The following STX7 variants were observed in gnomAD, a reference collection of about 807,000 sequenced individuals.
STX7 encodes the protein syntaxin-7.
STX7 carries 34 observed loss-of-function variants against 39.6 expected under a neutral mutation model. The observed-to-expected ratio is 0.86, with a 90% CI of 0.65 to 1.14. STX7 has a LOEUF of 1.14. Among genes scored for constraint, STX7 ranks in the 50% most tolerant of loss-of-function variants. The probability of loss-of-function intolerance (pLI) is 0.00; values close to 1 mark genes in which losing one functional copy is unlikely to be tolerated. For synonymous variants in STX7, 119 were observed against 99.1 expected (o/e 1.20, Z -1.19); for missense variants, 284 against 310.4 (o/e 0.92, Z 0.64).
intron 1 of STX7, among the ~76,000 whole-genome samples, chr6:132,510,377 AAAT>A (rs777588559): frequency 4.6e-5 from 7 of 152,200 alleles, no homozygotes; most frequent in Non-Finnish European, 7.3e-5. Flanking sequence ...CTGTCGATTA[AAAT>A]AATAAAAGCA....
intron 1 of STX7, among the ~76,000 whole-genome samples, chr6:132,510,690 G>A (rs1775824144): frequency 6.6e-6 from 1 of 152,136 alleles, no homozygotes; most frequent in African/African-American, 2.4e-5. Flanking sequence ...CATTATCACA[G>A]AAAGATCTAT....
At chr6:132,466,446 G>A (rs1774567201) in intron 8 of STX7, among the ~76,000 whole-genome samples, 1 of 152,172 alleles carries the variant, frequency 6.6e-6, no homozygotes, top group African/African-American at 2.4e-5. Context: ...TTTGTGGGTT[G>A]TATGATCTCT....
intron 1 of STX7, among the ~76,000 whole-genome samples, chr6:132,512,642 C>T (rs1468742234): frequency 2.6e-5 from 4 of 152,214 alleles, no homozygotes; most frequent in Non-Finnish European, 5.9e-5. Context: ...TGTCTGGATT[C>T]CTGAGCTGGG....
chr6:132,474,782 A>G (rs1582656502), intron 3 of STX7, among the ~76,000 whole-genome samples: 1 of 152,192 alleles, frequency 6.6e-6, no homozygotes, highest in Non-Finnish European at 1.5e-5. Flanking sequence ...CACAGACAAA[A>G]TATTATCACT....
chr6:132,511,429 G>C (rs1192775290), intron 1 of STX7, among the ~76,000 whole-genome samples: 1 of 152,136 alleles, frequency 6.6e-6, no homozygotes, highest in Non-Finnish European at 1.5e-5. Flanking sequence ...CTCACCACTG[G>C]TCACTCTTTG....
chr6:132,481,076 T>A (rs1009880531), intron 2 of STX7, among the ~76,000 whole-genome samples: 1 of 152,194 alleles, frequency 6.6e-6, no homozygotes, highest in Non-Finnish European at 1.5e-5. Context: ...TGAATAGACC[T>A]CAGTTTTATC....
intron 3 of STX7, among the ~76,000 whole-genome samples, chr6:132,472,988 T>C (rs891557928): frequency 6.6e-6 from 1 of 152,084 alleles, no homozygotes; most frequent in African/African-American, 2.4e-5. Context: ...CGAAACCCCA[T>C]CTCTACCAAA....
chr6:132,486,874 C>T (rs1775147220), intron 2 of STX7, among the ~76,000 whole-genome samples: 1 of 152,040 alleles, frequency 6.6e-6, no homozygotes, highest in African/African-American at 2.4e-5. Flanking sequence ...ACCATATTGG[C>T]CAGGCTTGTC....
chr6:132,465,603 G>A (rs1250824215), intron 8 of STX7, among the ~76,000 whole-genome samples: 1 of 152,142 alleles, frequency 6.6e-6, no homozygotes, highest in African/African-American at 2.4e-5. Context: ...TCTGACTTCT[G>A]AAAGACTACG....
At chr6:132,465,140 C>A (rs79427072) in intron 8 of STX7, among the ~76,000 whole-genome samples, 4,621 of 152,230 alleles carry the variant, frequency 0.03, 226 homozygotes, top group African/African-American at 0.1. Flanking sequence ...AACACCCTGG[C>A]CTCACAGTTC....
intron 2 of STX7, among the ~76,000 whole-genome samples, chr6:132,489,559 G>A (rs1328511341): frequency 6.6e-6 from 1 of 152,148 alleles, no homozygotes; most frequent in Non-Finnish European, 1.5e-5. Flanking sequence ...GAGAACACTT[G>A]TCTTCTTTGT....
At position 132,468,474 on chromosome 6, in the gene STX7, G is replaced by T. The variant is rs148495140; in HGVS notation, c.539C>A (p.Ala180Asp). The change falls in exon 8 of 10, where the codon GCT becomes GAT. Residue 180 changes from alanine (A) to aspartate (D), a missense_variant and splice_region_variant. Coordinates refer to ENST00000367941, the MANE Select transcript of STX7 (RefSeq NM_003569.3). ...TATTTCATTAATATCCATAATATCA[G>T]CCTAAGAGAAAACGCATATATTATT... ...ERESSIRQLEADIMDINEIFK... is the reference protein window; with the variant it reads ...ERESSIRQLEDDIMDINEIFK... The T allele has an allele frequency of 1.3e-6, 2 of 1,593,346 alleles. No homozygotes were observed. The highest frequency in any genetic ancestry group is 1.7e-6 in the Non-Finnish European group (2 of 1,168,572).
rs753117420 is a variant in STX7, at chr6:132,453,933, T to C, written c.*6825A>G. The C allele has an allele frequency of 1.3e-5, 2 of 152,120 alleles. No individual in the cohort carries two copies. The highest frequency in any genetic ancestry group is 1.5e-5 in the Non-Finnish European group (1 of 67,996). 9.4% of individuals were successfully genotyped at this position (152,120 alleles called of 1,614,324 possible). ...CAACTACTATATAACTGCTGGGCAT[T>C]TGACCCAGAAAACTAGATTATGTTC... On this transcript the variant is annotated 3_prime_UTR_variant, in exon 10 of 10. Coordinates refer to ENST00000367941, the MANE Select transcript of STX7 (RefSeq NM_003569.3).
At chr6:132,470,751 G>A (rs979747786) in intron 5 of STX7, 125 bp from the exon 6 acceptor site, 5 of 510,236 alleles carry the variant, frequency 9.8e-6, no homozygotes, top group Non-Finnish European at 1.4e-5. Flanking sequence ...GTGTGTATGT[G>A]TGTGTGTGTG....
intron 2 of STX7, among the ~76,000 whole-genome samples, chr6:132,479,752 T>C (rs974981362): frequency 1.3e-5 from 2 of 152,242 alleles, no homozygotes; most frequent in Non-Finnish European, 2.9e-5. Flanking sequence ...TCTCATGTTA[T>C]ACTCTATTAA....
At chr6:132,463,912 C>G in intron 9 of STX7, 81 bp downstream of exon 9, 1 of 1,347,696 alleles carries the variant, frequency 7.4e-7, no homozygotes, top group South Asian at 1.2e-5. Flanking sequence ...AACCTAATCT[C>G]TCCCTGCTTC....
chr6:132,480,596 G>C (rs963335771), intron 2 of STX7, among the ~76,000 whole-genome samples: 10 of 152,114 alleles, frequency 6.6e-5, no homozygotes, highest in Admixed American at 2.6e-4. Flanking sequence ...GCGGAATTTG[G>C]GGTACGCTCA....
intron 2 of STX7, among the ~76,000 whole-genome samples, chr6:132,499,944 T>C (rs953776282): frequency 2.6e-5 from 4 of 152,176 alleles, no homozygotes; most frequent in Admixed American, 6.5e-5. Flanking sequence ...ACCTAGTCGG[T>C]TGCTCAATGC....
At chr6:132,490,406 T>C (rs1775249534) in intron 2 of STX7, among the ~76,000 whole-genome samples, 1 of 152,186 alleles carries the variant, frequency 6.6e-6, no homozygotes, top group Admixed American at 6.6e-5. Flanking sequence ...AAAATCGATT[T>C]CTGCTTCTTA....
Sources: gnomAD v4.1 joint callset for allele counts (sites outside exome capture counted in the v4.1 genomes callset) on GRCh38, gnomAD v4.1.1 for gene constraint, MANE v1.5 for transcripts, NCBI Gene and HGNC (gene_info 2026-07-23, HGNC 2026-07-21) for gene names.